The following NAP1L1 variants were observed in gnomAD, a reference collection of about 807,000 sequenced individuals.
NAP1L1 encodes the protein nucleosome assembly protein 1 like 1.
A neutral mutation model predicts 58.9 loss-of-function variants in NAP1L1; 9 were observed. The observed-to-expected ratio is 0.15, with a 90% CI of 0.09 to 0.27. The LOEUF (loss-of-function observed/expected upper bound fraction) is 0.27. Ranked by LOEUF, NAP1L1 falls within the 10% of genes least tolerant of loss-of-function variation. The pLI, the probability that NAP1L1 is intolerant of heterozygous loss-of-function variation, is 1.00. For synonymous variants in NAP1L1, 130 were observed against 138.3 expected, an observed-to-expected ratio of 0.94 and a Z score of 0.42; for missense variants, 302 against 458.8, an observed-to-expected ratio of 0.66 and a Z score of 3.12.
intron 6 of NAP1L1, chr12:76,059,450 C>G (rs910147776): frequency 8.8e-6 from 2 of 226,414 alleles, no homozygotes; most frequent in Non-Finnish European, 1.7e-5. Context: ...GCAATTATGT[C>G]TTTTCACAAG....
At chr12:76,055,136 G>T (rs761816886) in intron 7 of NAP1L1, 46 bp from the exon 8 acceptor site, 3 of 1,362,990 alleles carry the variant, frequency 2.2e-6, no homozygotes, top group Admixed American at 3.8e-5. Flanking sequence ...GGCATTCGAG[G>T]ACTGTGTTCT....
rs1235563936 is a variant in NAP1L1, at chr12:76,040,108, A to G, written c.*8321T>C. The G allele has an allele frequency of 6.6e-6, 1 of 152,196 alleles. No individual in the cohort carries two copies. The highest frequency in any genetic ancestry group is 2.4e-5 in the African/African-American group (1 of 41,456). The allele number at this position is 152,196 out of a possible 1,614,324, so 9.4% of individuals were successfully genotyped here. On this transcript the variant is annotated 3_prime_UTR_variant, in exon 15 of 15. Coordinates refer to ENST00000618691, the MANE Select transcript of NAP1L1 (RefSeq NM_004537.7). ...TGTCCAGCTATAATTCAAGTAAAAG[A>G]TTCCAAAATGATGGGGAAAAGCATA... is the stretch of plus-strand genomic sequence containing the variant.
In NAP1L1 at chr12:76,055,054, T is replaced by C. The variant is rs1949018029; in HGVS notation, c.595A>G (p.Ile199Val). 6.2e-7 allele frequency: 1 copy of C among 1,606,764 alleles called. No homozygotes were observed. Among genetic ancestry groups the C allele is most frequent in the Non-Finnish European group, 8.5e-7 (1 of 1,177,712 alleles). The change falls in exon 8 of 15, where the codon ATT becomes GTT. Residue 199 changes from isoleucine to valine, a missense_variant. Coordinates refer to ENST00000618691, the MANE Select transcript of NAP1L1 (RefSeq NM_004537.7). Reference sequence around the variant, plus strand: ...CCAGCATCTGAGAACTTCACTTTAATATCTTTCAAGTGCTTCAGAATAGGT... The same window carrying C: ...CCAGCATCTGAGAACTTCACTTTAACATCTTTCAAGTGCTTCAGAATAGGT... Reference protein sequence around the residue: ...DEPILKHLKDIKVKFSDAGQP... With the variant: ...DEPILKHLKDVKVKFSDAGQP...
At chr12:76,055,122 A>T in intron 7 of NAP1L1, 32 bp from the exon 8 acceptor site, 1 of 1,459,754 alleles carries the variant, frequency 6.9e-7, no homozygotes, top group Non-Finnish European at 9.4e-7. Context: ...AAAATGAATA[A>T]CATGGCATTC....
intron 2 of NAP1L1, among the ~76,000 whole-genome samples, chr12:76,072,300 T>TAAAAAAAA (rs566199999): frequency 8.3e-6 from 1 of 120,964 alleles, no homozygotes; most frequent in Non-Finnish European, 1.8e-5. Flanking sequence ...GGATGCTATT[T>TAAAAAAAA]AAAAAAAAAA....
intron 14 of NAP1L1, chr12:76,048,998 A>G: frequency 1.8e-6 from 1 of 566,856 alleles, no homozygotes; most frequent in African/African-American, 1.9e-5. Context: ...AAGTCCAAAC[A>G]AAAAACAATG....
At chr12:76,057,601 A>C (rs1228416581) in intron 6 of NAP1L1, 1 of 1,133,528 alleles carries the variant, frequency 8.8e-7, no homozygotes, top group African/African-American at 1.5e-5. Context: ...GAACAGAGCC[A>C]AGTTAGATGC....
intron 4 of NAP1L1, among the ~76,000 whole-genome samples, chr12:76,066,149 CAAA>C (rs1565734904): frequency 1.5e-5 from 2 of 132,286 alleles, no homozygotes; most frequent in Non-Finnish European, 3.3e-5. Context: ...AACAAACAAA[CAAA>C]CAAACCTGGC....
intron 1 of NAP1L1, among the ~76,000 whole-genome samples, chr12:76,076,833 C>T (rs754385009): frequency 5.3e-5 from 8 of 151,954 alleles, no homozygotes; most frequent in Admixed American, 3.3e-4. Flanking sequence ...TAGCCTACTA[C>T]GCACCTAGGC....
intron 2 of NAP1L1, chr12:76,073,701 G>C (rs1300948646): frequency 6.6e-6 from 1 of 152,400 alleles, no homozygotes; most frequent in Non-Finnish European, 1.5e-5. Context: ...GGAAAGCAAA[G>C]AAAAGAATTA....
intron 2 of NAP1L1, chr12:76,073,971 A>C (rs957395041): frequency 2.5e-6 from 1 of 397,128 alleles, no homozygotes; most frequent in African/African-American, 2.1e-5. Flanking sequence ...TCTTAAAAAT[A>C]GTGACAAATG....
At position 76,046,338 on chromosome 12, in the gene NAP1L1, T is replaced by C. The variant is rs1170860326; in HGVS notation, c.*2091A>G. The C allele has an allele frequency of 6.6e-6, 1 of 152,424 alleles. No homozygotes were observed. Among genetic ancestry groups the C allele is most frequent in the Non-Finnish European group, 1.5e-5 (1 of 67,854 alleles). The allele number at this position is 152,424 out of a possible 1,614,324, so 9.4% of individuals were successfully genotyped here. A position where few individuals can be genotyped will look rare whatever the true frequency, so the allele number is the denominator to read the frequency against. ...ATTCTTCTGCAAACCACATCCCCTT[T>C]ATGTAACAAGACTAGGTATTATCTA... On this transcript the variant is annotated 3_prime_UTR_variant, in exon 15 of 15. Coordinates refer to ENST00000618691, the MANE Select transcript of NAP1L1 (RefSeq NM_004537.7).
At position 76,041,627 on chromosome 12, in the gene NAP1L1, A is replaced by C. The variant is rs1948551361; in HGVS notation, c.*6802T>G. ...TTAAGTGCGGCAGCTCCCACTTGTA[A>C]GCATAGCACCTCAGGAGGTTGAGGT... On this transcript the variant is annotated 3_prime_UTR_variant, in exon 15 of 15. Transcript: ENST00000618691. The C allele has an allele frequency of 1.3e-5, 2 of 152,234 alleles. No homozygotes were observed. The highest frequency in any genetic ancestry group is 1.3e-4 in the Admixed American group (2 of 15,290). 9.4% of individuals were successfully genotyped at this position (152,234 alleles called of 1,614,324 possible).
At chr12:76,072,123 C>T (rs988983951) in intron 2 of NAP1L1, among the ~76,000 whole-genome samples, 3 of 149,960 alleles carry the variant, frequency 2.0e-5, no homozygotes, top group Non-Finnish European at 4.4e-5. Flanking sequence ...TACACCCCAC[C>T]CAATCCAATC....
chr12:76,050,072 C>G (rs1046327152), intron 12 of NAP1L1, among the ~76,000 whole-genome samples: 1 of 152,076 alleles, frequency 6.6e-6, no homozygotes. Flanking sequence ...ATGCACTGTA[C>G]GAAAAGGACC....
chr12:76,060,872 T>A, intron 4 of NAP1L1: 1 of 222,930 alleles, frequency 4.5e-6, no homozygotes, highest in South Asian at 4.9e-5. Flanking sequence ...GCAGGTGGAT[T>A]CCTTTAGCCC....
In NAP1L1 at chr12:76,041,108, A is replaced by T. The variant is rs1565705601; in HGVS notation, c.*7321T>A. On this transcript the variant is annotated 3_prime_UTR_variant, in exon 15 of 15. Coordinates refer to ENST00000618691, the MANE Select transcript of NAP1L1 (RefSeq NM_004537.7). ...TGTTTCATTGGTTTTCTCAATCTAC[A>T]GGAATATGACAACTACAAAAGACCT... The T allele has an allele frequency of 6.6e-6, 1 of 152,230 alleles. No homozygotes were observed. The highest frequency in any genetic ancestry group is 2.4e-5 in the African/African-American group (1 of 41,468). 9.4% of individuals were successfully genotyped at this position (152,230 alleles called of 1,614,324 possible).
chr12:76,051,592 T>C (rs776172337), intron 11 of NAP1L1, among the ~76,000 whole-genome samples: 18 of 152,302 alleles, frequency 1.2e-4, no homozygotes, highest in Admixed American at 2.0e-4. Flanking sequence ...TTGCCCAGGC[T>C]GGCCTCAAGT....
intron 9 of NAP1L1, among the ~76,000 whole-genome samples, 184 bp from the exon 10 acceptor site, chr12:76,053,534 A>G (rs1170478950): frequency 6.6e-6 from 1 of 152,210 alleles, no homozygotes; most frequent in Non-Finnish European, 1.5e-5. Flanking sequence ...CACATTTACA[A>G]TTAGCACAAA....
Sources: gnomAD v4.1 joint callset for allele counts (sites outside exome capture counted in the v4.1 genomes callset) on GRCh38, gnomAD v4.1.1 for gene constraint, MANE v1.5 for transcripts, NCBI Gene and HGNC (gene_info 2026-07-23, HGNC 2026-07-21) for gene names.